Variants in CIB4 observed in about 807,000 individuals in gnomAD.
CIB4 encodes calcium and integrin binding family member 4.
In CIB4, 25 loss-of-function variants were observed where a neutral mutation model predicts 25.8. The observed-to-expected ratio is 0.97, with a 90% CI of 0.71 to 1.35. The LOEUF (loss-of-function observed/expected upper bound fraction) is 1.35, where lower values mean the gene tolerates loss of function less well. CIB4 is among the 40% of genes most tolerant of loss of function. CIB4 has a pLI of 0.00. For synonymous variants in CIB4, 75 were observed against 81.4 expected (o/e 0.92, Z 0.42); for missense variants, 235 against 228.2 (o/e 1.03, Z -0.19).
intron 3 of CIB4, chr2:26,605,695 G>A (rs1668875168): frequency 6.6e-6 from 2 of 305,026 alleles, no homozygotes; most frequent in African/African-American, 2.2e-5. Flanking sequence ...CACCTACTGT[G>A]TGCAGGCTGT....
At chr2:26,605,514 G>T (rs1212152632) in intron 3 of CIB4, 6 of 471,044 alleles carry the variant, frequency 1.3e-5, no homozygotes, top group Non-Finnish European at 2.2e-5. Flanking sequence ...GCGAACAGGG[G>T]AGTGGACGCC....
chr2:26,641,120 A>G, intron 1 of CIB4, 141 bp downstream of exon 1: 1 of 737,800 alleles, frequency 1.4e-6, no homozygotes, highest in Non-Finnish European at 2.5e-6. Context: ...GTGGCCCAAG[A>G]CAATTCTTCT....
At chr2:26,623,472 G>C (rs566701536) in intron 3 of CIB4, 37 of 469,888 alleles carry the variant, frequency 7.9e-5, no homozygotes, top group African/African-American at 6.6e-4. Context: ...TTTCAGCCTT[G>C]GGAGTGAGTT....
chr2:26,620,594 A>G (rs922176620), intron 3 of CIB4, among the ~76,000 whole-genome samples: 4 of 152,218 alleles, frequency 2.6e-5, no homozygotes, highest in African/African-American at 7.2e-5. Flanking sequence ...GCTAGCAGGC[A>G]GAATTTTACT....
rs147601856 is a variant in CIB4, at chr2:26,590,653, C to T, written c.328+4523G>A. On this transcript the variant is annotated intron_variant, in intron 4 of 6. Transcript: ENST00000288861. Reference sequence around the variant, plus strand: ...ACTTACTACGCAGGCTCAGGATCCACGTGTCCCATCTCTAATCTTGCTGAC... The same window carrying T: ...ACTTACTACGCAGGCTCAGGATCCATGTGTCCCATCTCTAATCTTGCTGAC... 2.6e-3 allele frequency among the ~76,000 whole-genome samples: 397 copies of T among 152,306 alleles called. 1 individual carries two copies. The highest frequency in any genetic ancestry group is 4.7e-3 in the Non-Finnish European group (318 of 68,030).
At chr2:26,632,215 A>G (rs1669433209) in intron 2 of CIB4, among the ~76,000 whole-genome samples, 1 of 152,176 alleles carries the variant, frequency 6.6e-6, no homozygotes, top group Non-Finnish European at 1.5e-5. Context: ...CTAGGGCCTG[A>G]CAGATGGGAG....
At chr2:26,584,588 C>T (rs943362945) in intron 4 of CIB4, among the ~76,000 whole-genome samples, 5 of 152,218 alleles carry the variant, frequency 3.3e-5, no homozygotes, top group Admixed American at 2.6e-4. Context: ...CCTCCAACCC[C>T]GTGCATCCTC....
chr2:26,635,185 G>A (rs1669509270), intron 2 of CIB4, among the ~76,000 whole-genome samples: 1 of 152,216 alleles, frequency 6.6e-6, no homozygotes, highest in Admixed American at 6.5e-5. Flanking sequence ...ACATGTGAAA[G>A]GAAAGTCTCA....
intron 3 of CIB4, among the ~76,000 whole-genome samples, chr2:26,613,589 C>T (rs938715911): frequency 1.3e-5 from 2 of 152,232 alleles, no homozygotes; most frequent in African/African-American, 4.8e-5. Flanking sequence ...TCGTAAAAAC[C>T]CTCTGAAGTA....
intron 2 of CIB4, among the ~76,000 whole-genome samples, chr2:26,635,235 GGCCAAACCAAA>G (rs1669510235): frequency 6.6e-6 from 1 of 152,184 alleles, no homozygotes; most frequent in African/African-American, 2.4e-5. Flanking sequence ...CTTCTTGGAG[GGCCAAACCAAA>G]GCAGCCCTGG....
intron 3 of CIB4, among the ~76,000 whole-genome samples, chr2:26,598,683 TC>T (rs1232107525): frequency 6.6e-6 from 1 of 152,038 alleles, no homozygotes; most frequent in Non-Finnish European, 1.5e-5. Flanking sequence ...CAGGAGAGTG[TC>T]CCAGGGCTGT....
chr2:26,583,751 C>T lies in CIB4; in HGVS notation c.438+38G>A, dbSNP rs370607725. On this transcript the variant is annotated intron_variant, in intron 5 of 6. Coordinates refer to ENST00000288861, the MANE Select transcript of CIB4 (RefSeq NM_001029881.3). ...TTGGGTGACAACCTGGCCCCTATCCCCGGCCCCAGCCACCAACTCCCAGCC... is the reference window on the plus strand; with the variant it reads ...TTGGGTGACAACCTGGCCCCTATCCTCGGCCCCAGCCACCAACTCCCAGCC... 19 of 1,405,584 alleles carry T rather than the reference C, an allele frequency of 1.4e-5. No homozygotes were observed. In the African/African-American group the frequency reaches 1.4e-4, roughly 10 times the overall value. The allele number at this position is 1,405,584 out of a possible 1,614,324, so 87.1% of individuals were successfully genotyped here. A position where few individuals can be genotyped will look rare whatever the true frequency, so the allele number is the denominator to read the frequency against.
intron 3 of CIB4, among the ~76,000 whole-genome samples, chr2:26,608,851 C>T (rs903780614): frequency 6.6e-6 from 1 of 152,194 alleles, no homozygotes; most frequent in African/African-American, 2.4e-5. Flanking sequence ...ACATCACCCC[C>T]ACCCCGGGGC....
chr2:26,627,947 C>G lies in CIB4; in HGVS notation c.186+1463G>C, dbSNP rs528200358. Among the ~76,000 whole-genome samples, 2 of 152,270 alleles carry G rather than the reference C, an allele frequency of 1.3e-5. No individual in the cohort carries two copies. The highest frequency in any genetic ancestry group is 1.3e-4 in the Admixed American group (2 of 15,300). Reference sequence around the variant, plus strand: ...CCCCTCCATGTCCCTTCCTCAGGAGCCAGCCTCCTCCTCCCTGGTATCCCC... The same window carrying G: ...CCCCTCCATGTCCCTTCCTCAGGAGGCAGCCTCCTCCTCCCTGGTATCCCC... On this transcript the variant is annotated intron_variant, in intron 3 of 6. Coordinates refer to ENST00000288861, the MANE Select transcript of CIB4 (RefSeq NM_001029881.3). This position sits in a 1 kb window ranked among gnomAD's most constrained non-coding sequence, Gnocchi z 4.0.
chr2:26,638,578 G>A (rs1166771542), intron 2 of CIB4, among the ~76,000 whole-genome samples: 11 of 152,158 alleles, frequency 7.2e-5, no homozygotes, highest in Admixed American at 7.2e-4. Context: ...AGAAAGAGGG[G>A]CAGGCATGGC....
chr2:26,622,855 C>T (rs528533019), intron 3 of CIB4, among the ~76,000 whole-genome samples: 10 of 152,146 alleles, frequency 6.6e-5, no homozygotes, highest in Middle Eastern at 3.4e-3. Flanking sequence ...TGGCGGCACG[C>T]GCCTGTAATC....
chr2:26,610,054 C>T (rs1331366971), intron 3 of CIB4, among the ~76,000 whole-genome samples: 9 of 152,182 alleles, frequency 5.9e-5, no homozygotes, highest in Admixed American at 5.9e-4. Flanking sequence ...GTGGCAGGGC[C>T]CCGCTGTGCC....
chr2:26,616,262 C>A (rs549868761), intron 3 of CIB4, among the ~76,000 whole-genome samples: 2 of 152,184 alleles, frequency 1.3e-5, no homozygotes, highest in African/African-American at 2.4e-5. Context: ...TGAGGTCAGC[C>A]GAATGCAGCA....
chr2:26,586,404 C>G (rs535324784), intron 4 of CIB4, among the ~76,000 whole-genome samples: 2 of 152,338 alleles, frequency 1.3e-5, no homozygotes. Context: ...CATCACCCAG[C>G]CCCTGTGAAA....
Sources: gnomAD v4.1 joint callset for allele counts (sites outside exome capture counted in the v4.1 genomes callset) on GRCh38, gnomAD v4.1.1 for gene constraint, Gnocchi (gnomAD v3.1) non-coding constraint, MANE v1.5 for transcripts, NCBI Gene and HGNC (gene_info 2026-07-23, HGNC 2026-07-21) for gene names.